The following SEC61A1 variants were observed in gnomAD, a reference collection of about 807,000 sequenced individuals.
SEC61A1 encodes the protein protein transport protein Sec61 subunit alpha isoform 1.
In SEC61A1, 15 loss-of-function variants were observed where a neutral mutation model predicts 55.2. That is an observed-to-expected ratio of 0.27 (90% CI 0.18 to 0.42). The LOEUF (loss-of-function observed/expected upper bound fraction) is 0.42, where lower values mean the gene tolerates loss of function less well. SEC61A1 is among the 10% of genes least tolerant of loss of function. The probability of loss-of-function intolerance (pLI) is 1.00; values close to 1 mark genes in which losing one functional copy is unlikely to be tolerated. For missense variants in SEC61A1, 284 were observed against 602.6 expected (o/e 0.47, Z 5.53); for synonymous variants, 247 against 234.0 (o/e 1.06, Z -0.51).
intron 8 of SEC61A1, 69 bp from the exon 9 acceptor site, chr3:128,066,885 G>A (rs749604953): frequency 3.1e-5 from 46 of 1,499,334 alleles, no homozygotes; most frequent in South Asian, 4.6e-5. Context: ...GTCCCCGGCC[G>A]GGCTGTGTTT....
chr3:128,051,941 C>G, upstream of SEC61A1: 1 of 1,491,880 alleles, frequency 6.7e-7, no homozygotes, highest in Non-Finnish European at 9.0e-7. Flanking sequence ...CCCTACTCAG[C>G]AGGTAATGAC....
At chr3:128,051,744 G>A, upstream of SEC61A1, 2 of 1,491,648 alleles carry the variant, frequency 1.3e-6, no homozygotes, top group South Asian at 1.3e-5. Flanking sequence ...TCTCCCAGGA[G>A]GCCTTCCTGA....
At chr3:128,051,785 C>T, upstream of SEC61A1, 1 of 1,526,506 alleles carries the variant, frequency 6.6e-7, no homozygotes, top group Non-Finnish European at 8.8e-7. Flanking sequence ...ACTTCCCGAG[C>T]TGCCCCGGCC....
At chr3:128,055,294 G>A (rs1941755412) in intron 2 of SEC61A1, among the ~76,000 whole-genome samples, 1 of 152,188 alleles carries the variant, frequency 6.6e-6, no homozygotes, top group Non-Finnish European at 1.5e-5. Flanking sequence ...GGTGTGAGGT[G>A]AGCTGGGGTG....
In SEC61A1 at chr3:128,070,339, A is replaced by G. The variant is rs890287321; in HGVS notation, c.*677A>G. Reference sequence around the variant, plus strand: ...CTAGCTGACTCTTCTGGTTGGGCTTAGAGTCTGCCTGTTTCTGCTAGCTCC... The same window carrying G: ...CTAGCTGACTCTTCTGGTTGGGCTTGGAGTCTGCCTGTTTCTGCTAGCTCC... On this transcript the variant is annotated 3_prime_UTR_variant, in exon 12 of 12. Transcript: ENST00000243253. 1 of 152,236 alleles carries G rather than the reference A, an allele frequency of 6.6e-6. No homozygotes were observed. Among genetic ancestry groups the G allele is most frequent in the Non-Finnish European group, 1.5e-5 (1 of 68,090 alleles). 9.4% of individuals were successfully genotyped at this position (152,236 alleles called of 1,614,324 possible).
chr3:128,064,704 A>G lies in SEC61A1; in HGVS notation c.617-173A>G. 6.6e-6 allele frequency: 4 copies of G among 609,216 alleles called. No individual in the cohort carries two copies. The East Asian group carries it at 1.1e-4, about 17-fold the overall frequency. The allele number at this position is 609,216 out of a possible 1,614,324, so 37.7% of individuals were successfully genotyped here. ...CCCGTTTCTGTAGTTTGAATTCTCT[A>G]CAGAAGAGAAGGGAGGGATGAGAAT... On this transcript the variant is annotated intron_variant, in intron 7 of 11. Transcript: ENST00000243253.
At chr3:128,051,943 G>A (rs1211963154), upstream of SEC61A1, 6 of 1,490,972 alleles carry the variant, frequency 4.0e-6, no homozygotes, top group East Asian at 7.4e-5. Flanking sequence ...CTACTCAGCA[G>A]GTAATGACGG....
rs888274904 is a variant in SEC61A1, at chr3:128,067,680, C to G, written c.1167+68C>G. ...ACTGGTATAAGGGGTGTGGACTTGT[C>G]ACCTCATCATAAATAATGGTCTGTG... On this transcript the variant is annotated intron_variant, in intron 10 of 11. Coordinates refer to ENST00000243253, the MANE Select transcript of SEC61A1 (RefSeq NM_013336.4). This position sits in a 1 kb window ranked among gnomAD's most constrained non-coding sequence, Gnocchi z 4.1. 4 of 1,236,912 alleles carry G rather than the reference C, an allele frequency of 3.2e-6. No homozygotes were observed. In the African/African-American group the frequency reaches 6.0e-5, roughly 19 times the overall value. 76.6% of individuals were successfully genotyped at this position (1,236,912 alleles called of 1,614,324 possible).
At chr3:128,053,775 T>C (rs1941727561) in intron 2 of SEC61A1, among the ~76,000 whole-genome samples, 1 of 152,236 alleles carries the variant, frequency 6.6e-6, no homozygotes, top group African/African-American at 2.4e-5. Flanking sequence ...GTCCCACCCT[T>C]TACATAGCAC....
At chr3:128,053,689 G>T (rs867245547) in intron 2 of SEC61A1, among the ~76,000 whole-genome samples, 1 of 152,192 alleles carries the variant, frequency 6.6e-6, no homozygotes, top group Non-Finnish European at 1.5e-5. Context: ...TGCTTTTAAT[G>T]GACGAATTTG....
chr3:128,055,780 T>C (rs1559794452), intron 4 of SEC61A1, 29 bp downstream of exon 4: 1 of 1,564,886 alleles, frequency 6.4e-7, no homozygotes, highest in South Asian at 1.1e-5. Context: ...CTTTTCTCTG[T>C]AGAGTGTAGG....
chr3:128,060,703 A>G, intron 7 of SEC61A1, 42 bp downstream of exon 7: 1 of 1,591,988 alleles, frequency 6.3e-7, no homozygotes, highest in Non-Finnish European at 8.6e-7. Context: ...GCTTTCAGCA[A>G]AAACAATTGA....
At chr3:128,063,577 C>T (rs1049020094) in intron 7 of SEC61A1, among the ~76,000 whole-genome samples, 7 of 152,146 alleles carry the variant, frequency 4.6e-5, no homozygotes, top group African/African-American at 1.2e-4. Context: ...CCTTGTGATC[C>T]GCCCGCGTCA....
At chr3:128,055,901 A>G in intron 4 of SEC61A1, 150 bp downstream of exon 4, 1 of 667,836 alleles carries the variant, frequency 1.5e-6, no homozygotes, top group African/African-American at 1.8e-5. Context: ...GAATAGCCTT[A>G]TTAAATGCTG....
chr3:128,058,201 A>ATTTTTTTTTTTT (rs57508280), intron 5 of SEC61A1, among the ~76,000 whole-genome samples: 2 of 79,358 alleles, frequency 2.5e-5, no homozygotes, highest in Non-Finnish European at 4.5e-5. Flanking sequence ...AAATACGTCT[A>ATTTTTTTTTTTT]TTTTTTTTTT....
chr3:128,068,126 C>A, intron 11 of SEC61A1, 67 bp downstream of exon 11: 1 of 1,246,990 alleles, frequency 8.0e-7, no homozygotes, highest in Non-Finnish European at 1.2e-6. Context: ...CCATGCAGGG[C>A]ATCCTGATAG....
intron 11 of SEC61A1, 120 bp downstream of exon 11, chr3:128,068,179 C>T: frequency 1.4e-6 from 1 of 719,176 alleles, no homozygotes; most frequent in Non-Finnish European, 2.4e-6. Context: ...CCTTGGGTTA[C>T]AGGACAGAAT....
upstream of SEC61A1, chr3:128,051,924 G>T (rs1941678350): frequency 5.9e-6 from 9 of 1,527,928 alleles, no homozygotes; most frequent in Middle Eastern, 3.3e-4. Context: ...AGCCCCACCA[G>T]CCCGCGCCCT....
At chr3:128,066,570 G>A (rs1407009395) in intron 8 of SEC61A1, 13 of 208,958 alleles carry the variant, frequency 6.2e-5, no homozygotes, top group Non-Finnish European at 8.7e-5. Context: ...CTACAGGCGC[G>A]CACCACCACA....
Sources: allele counts gnomAD v4.1 joint callset (sites outside exome capture counted in the v4.1 genomes callset), GRCh38; gene constraint gnomAD v4.1.1; non-coding constraint Gnocchi (gnomAD v3.1); transcripts MANE v1.5; gene names NCBI Gene and HGNC (gene_info 2026-07-23, HGNC 2026-07-21).